SLC25A48: variants seen among roughly 807,000 people sequenced by gnomAD.
The protein encoded by SLC25A48 is solute carrier family 25 member 48, also known as CTC-321K16.1.
In SLC25A48, 29 loss-of-function variants were observed where a neutral mutation model predicts 32.2. That is an observed-to-expected ratio of 0.90 (90% CI 0.67 to 1.23). The LOEUF is 1.23. Among genes scored for constraint, SLC25A48 ranks in the 50% most tolerant of loss-of-function variants. The pLI, the probability that SLC25A48 is intolerant of heterozygous loss-of-function variation, is 0.00. For synonymous variants in SLC25A48, 164 were observed against 172.3 expected, an observed-to-expected ratio of 0.95 and a Z score of 0.38; for missense variants, 399 against 422.7, an observed-to-expected ratio of 0.94 and a Z score of 0.49.
At chr5:135,685,804 A>C (rs1754010133) in intron 3 of SLC25A48, among the ~76,000 whole-genome samples, 1 of 152,210 alleles carries the variant, frequency 6.6e-6, no homozygotes, top group Non-Finnish European at 1.5e-5. Context: ...TCCACCACTG[A>C]ATCCACATGC....
intron 3 of SLC25A48, among the ~76,000 whole-genome samples, chr5:135,811,438 G>A (rs1213056699): frequency 1.3e-5 from 2 of 152,152 alleles, no homozygotes; most frequent in Non-Finnish European, 2.9e-5. Flanking sequence ...AGGAGATATT[G>A]GTCGAAGGGT....
intron 3 of SLC25A48, among the ~76,000 whole-genome samples, chr5:135,761,476 A>G (rs1756058727): frequency 6.6e-6 from 1 of 152,096 alleles, no homozygotes; most frequent in African/African-American, 2.4e-5. Context: ...AAAAAAGAAG[A>G]AAGAAAAAGA....
Position 135,633,925 on chromosome 5 carries a change from A to G in SLC25A48, c.-708-844A>G, listed in dbSNP as rs148768351. 8.3e-3 allele frequency among the ~76,000 whole-genome samples: 1,265 copies of G among 152,328 alleles called. 25 individuals carry two copies. The highest frequency in any genetic ancestry group is 0.028 in the African/African-American group (1,180 of 41,572). ...AATCTTATATTGGCAAATGGCTAAC[A>G]TATTCCTCACATAACTTCTGAATTC... On this transcript the variant is annotated intron_variant, in intron 2 of 10. Transcript: ENST00000646290.
At chr5:135,701,893 A>G (rs1277200725) in intron 3 of SLC25A48, among the ~76,000 whole-genome samples, 1 of 152,248 alleles carries the variant, frequency 6.6e-6, no homozygotes, top group Non-Finnish European at 1.5e-5. Flanking sequence ...AATTAATCTG[A>G]CCATGTCACT....
intron 1 of SLC25A48, among the ~76,000 whole-genome samples, chr5:135,614,312 A>T (rs1752138958): frequency 6.6e-6 from 1 of 152,162 alleles, no homozygotes; most frequent in Non-Finnish European, 1.5e-5. Context: ...ATCAGACTTA[A>T]GAGTTTTTGG....
intron 1 of SLC25A48, among the ~76,000 whole-genome samples, chr5:135,612,159 T>G (rs1255990556): frequency 2.6e-5 from 4 of 152,214 alleles, no homozygotes; most frequent in African/African-American, 9.6e-5. Flanking sequence ...TTGGACAAAT[T>G]TTAAAAATTA....
At chr5:135,747,405 T>C (rs1056870751) in intron 3 of SLC25A48, among the ~76,000 whole-genome samples, 4 of 152,066 alleles carry the variant, frequency 2.6e-5, no homozygotes, top group Non-Finnish European at 5.9e-5. Flanking sequence ...TGGTCAATTT[T>C]TCCCCCCAAG....
chr5:135,695,993 A>C (rs778853568), intron 3 of SLC25A48, among the ~76,000 whole-genome samples: 1 of 152,200 alleles, frequency 6.6e-6, no homozygotes, highest in Non-Finnish European at 1.5e-5. Context: ...ACCATCTGCC[A>C]TGACATAGGG....
chr5:135,878,928 T>A (rs1318044875), intron 6 of SLC25A48, among the ~76,000 whole-genome samples: 1 of 152,192 alleles, frequency 6.6e-6, no homozygotes, highest in East Asian at 1.9e-4. Context: ...CTGGGTCATG[T>A]TGTCATTGTT....
At chr5:135,832,367 G>A (rs145489247), upstream of SLC25A48, among the ~76,000 whole-genome samples, 4 of 152,306 alleles carry the variant, frequency 2.6e-5, no homozygotes, top group East Asian at 3.9e-4. Flanking sequence ...GGGAGCAGGC[G>A]GCATGGGCAG....
At position 135,793,385 on chromosome 5, in the gene SLC25A48, A is replaced by G. The variant is rs559521713; in HGVS notation, c.-520-19138A>G. Among the ~76,000 whole-genome samples the G allele has an allele frequency of 2.0e-5, 3 of 151,832 alleles. No individual in the cohort carries two copies. The East Asian group carries it at 5.8e-4, about 29-fold the overall frequency. Reference sequence around the variant, plus strand: ...TACACCCTGGGATATTATTCGTAGTATTTTGGGGAGATATTACTCTCTTAA... The same window carrying G: ...TACACCCTGGGATATTATTCGTAGTGTTTTGGGGAGATATTACTCTCTTAA... On this transcript the variant is annotated intron_variant, in intron 3 of 10. Transcript: ENST00000646290.
intron 3 of SLC25A48, among the ~76,000 whole-genome samples, chr5:135,689,505 G>A (rs1276113794): frequency 6.6e-6 from 1 of 152,188 alleles, no homozygotes; most frequent in Non-Finnish European, 1.5e-5. Flanking sequence ...GGCCTTGAGA[G>A]CTGAAGAGCT....
At chr5:135,865,466 A>G (rs1249207268) in intron 4 of SLC25A48, among the ~76,000 whole-genome samples, 1 of 152,218 alleles carries the variant, frequency 6.6e-6, no homozygotes, top group South Asian at 2.1e-4. Context: ...GCAGTGCTGT[A>G]GGTGGGACCC....
chr5:135,728,961 A>C (rs1287871419), intron 3 of SLC25A48, among the ~76,000 whole-genome samples: 1 of 151,948 alleles, frequency 6.6e-6, no homozygotes, highest in Non-Finnish European at 1.5e-5. Context: ...CTCTGTTGTT[A>C]ACATCTTCTT....
Position 135,847,789 on chromosome 5 carries a change from C to T in SLC25A48, c.91-2636C>T, listed in dbSNP as rs536307850. Among the ~76,000 whole-genome samples the T allele has an allele frequency of 2.8e-4, 42 of 152,292 alleles. No homozygotes were observed. In the South Asian group the frequency reaches 8.5e-3, roughly 31 times the overall value. On this transcript the variant is annotated intron_variant, in intron 2 of 7. Transcript: ENST00000681962. ...CAAGAGCCTCCCGAGGGAGTGCTGCCTTGCCAGCATTCTGATCTTACCCCA... is the reference window on the plus strand; with the variant it reads ...CAAGAGCCTCCCGAGGGAGTGCTGCTTTGCCAGCATTCTGATCTTACCCCA...
intron 3 of SLC25A48, among the ~76,000 whole-genome samples, chr5:135,809,543 C>A (rs565919389): frequency 6.6e-6 from 1 of 152,226 alleles, no homozygotes; most frequent in African/African-American, 2.4e-5. Flanking sequence ...GTGGAAACTT[C>A]TGTGGGTTTT....
chr5:135,868,566 A>T (rs899823735), intron 4 of SLC25A48, among the ~76,000 whole-genome samples: 21 of 152,194 alleles, frequency 1.4e-4, no homozygotes, highest in African/African-American at 4.8e-4. Context: ...TTTTCAACAT[A>T]TTTAGGGGTA....
At chr5:135,722,537 G>T (rs1042819072) in intron 3 of SLC25A48, among the ~76,000 whole-genome samples, 1 of 152,228 alleles carries the variant, frequency 6.6e-6, no homozygotes, top group African/African-American at 2.4e-5. Context: ...GTGTGGAACT[G>T]AATCTCATTC....
At chr5:135,622,594 AT>A (rs952447548) in intron 1 of SLC25A48, among the ~76,000 whole-genome samples, 4 of 152,170 alleles carry the variant, frequency 2.6e-5, no homozygotes, top group African/African-American at 7.2e-5. Flanking sequence ...AGCATGATTC[AT>A]TTTTTTAATT....
Sources: gnomAD v4.1 joint callset for allele counts (sites outside exome capture counted in the v4.1 genomes callset) on GRCh38, gnomAD v4.1.1 for gene constraint, MANE v1.5 for transcripts, NCBI Gene and HGNC (gene_info 2026-07-23, HGNC 2026-07-21) for gene names.